Variants in EXPH5 observed in about 807,000 individuals in gnomAD.
EXPH5 encodes the protein exophilin-5.
In EXPH5, 42 loss-of-function variants were observed where a neutral mutation model predicts 41.1. The observed-to-expected ratio is 1.02, with a 90% CI of 0.80 to 1.32. The LOEUF (loss-of-function observed/expected upper bound fraction) is 1.32. EXPH5 is among the 40% of genes most tolerant of loss of function. The pLI is 0.00. For synonymous variants in EXPH5, 798 were observed against 833.5 expected (o/e 0.96, Z 0.73); for missense variants, 2,298 against 2,314.5 (o/e 0.99, Z 0.15).
chr11:108,572,616 T>A (rs1001275039), intron 1 of EXPH5, among the ~76,000 whole-genome samples: 1 of 152,242 alleles, frequency 6.6e-6, no homozygotes, highest in Non-Finnish European at 1.5e-5. Flanking sequence ...TGCAGTGCAA[T>A]GGCGTGATCT....
At chr11:108,556,277 GA>G (rs1319707585) in intron 1 of EXPH5, among the ~76,000 whole-genome samples, 1 of 151,932 alleles carries the variant, frequency 6.6e-6, no homozygotes, top group East Asian at 1.9e-4. Context: ...GATTAGTTGT[GA>G]ATCTGCTGTC....
the EXPH5 span, among the ~76,000 whole-genome samples, chr11:108,605,631 T>C: frequency 2.6e-5 from 4 of 152,210 alleles, no homozygotes; most frequent in Admixed American, 1.3e-4. Context: ...AGAAACTTTG[T>C]GTTAGAGCAA....
At position 108,569,433 on chromosome 11, in the gene EXPH5, A is replaced by C. The variant is rs187911327; in HGVS notation, c.119+23985T>G. Among the ~76,000 whole-genome samples the C allele has an allele frequency of 2.8e-3, 429 of 152,052 alleles. 3 individuals carry two copies. The highest frequency in any genetic ancestry group is 9.7e-3 in the African/African-American group (402 of 41,484). On this transcript the variant is annotated intron_variant, in intron 1 of 5. Coordinates refer to ENST00000265843, the MANE Select transcript of EXPH5 (RefSeq NM_015065.3). ...CAGCTCACTGCAACCTCCGCCTCCT[A>C]GGTTCAAGCGATTCTCCTGCTTCAG... is the stretch of plus-strand genomic sequence containing the variant.
chr11:108,582,337 C>T (rs1273087563), intron 1 of EXPH5, among the ~76,000 whole-genome samples: 1 of 152,006 alleles, frequency 6.6e-6, no homozygotes, highest in Non-Finnish European at 1.5e-5. Flanking sequence ...TGGTGGCACA[C>T]GCCTGTAGTC....
chr11:108,556,448 A>C (rs2093990429), intron 1 of EXPH5, among the ~76,000 whole-genome samples: 1 of 151,952 alleles, frequency 6.6e-6, no homozygotes, highest in Admixed American at 6.6e-5. Flanking sequence ...GCATCCCATC[A>C]ATTTTATTTT....
chr11:108,533,987 G>A (rs958263083), intron 3 of EXPH5, among the ~76,000 whole-genome samples: 1 of 152,072 alleles, frequency 6.6e-6, no homozygotes, highest in African/African-American at 2.4e-5. Context: ...TAGAGGTGCA[G>A]CCTGACTATG....
intron 4 of EXPH5, among the ~76,000 whole-genome samples, chr11:108,525,318 A>T (rs1027873740): frequency 6.6e-6 from 1 of 152,220 alleles, no homozygotes; most frequent in Non-Finnish European, 1.5e-5. Flanking sequence ...GAAGTGCCAC[A>T]TTGGAGGTGT....
In EXPH5 at chr11:108,514,587, T is replaced by G. The variant is rs1184922340; in HGVS notation, c.920A>C (p.Lys307Thr). ...AGTATTCTTTTGCACATAATCTTCT[T>G]TAAAGACTCTGGGCTCCCTTGTCCT... Reference protein sequence around the residue: ...MYRTREPRVFKEDYVQKNTFG... With the variant: ...MYRTREPRVFTEDYVQKNTFG... The change falls in exon 6 of 6, where the codon AAA becomes ACA. Residue 307 changes from lysine to threonine, a missense_variant. Lys to Thr is a moderately conservative substitution (Grantham distance 78). Coordinates refer to ENST00000265843, the MANE Select transcript of EXPH5 (RefSeq NM_015065.3). 1.2e-6 allele frequency: 2 copies of G among 1,613,926 alleles called. No individual in the cohort carries two copies. Among genetic ancestry groups the G allele is most frequent in the Non-Finnish European group, 1.7e-6 (2 of 1,179,976 alleles).
In EXPH5 at chr11:108,587,466, G is replaced by A. The variant is rs115328411; in HGVS notation, c.119+5952C>T. On this transcript the variant is annotated intron_variant, in intron 1 of 5. Coordinates refer to ENST00000265843, the MANE Select transcript of EXPH5 (RefSeq NM_015065.3). ...ATTTGACTAGGTATTGAGTACCGAA[G>A]TGTGTGAGGCTCTCCATCCCTGAAA... Among the ~76,000 whole-genome samples the A allele has an allele frequency of 2.5e-3, 376 of 152,322 alleles. 2 individuals are homozygous for A. The highest frequency in any genetic ancestry group is 8.6e-3 in the African/African-American group (357 of 41,564).
chr11:108,538,740 G>T (rs1388423857), intron 3 of EXPH5, among the ~76,000 whole-genome samples: 7 of 152,126 alleles, frequency 4.6e-5, no homozygotes, highest in Non-Finnish European at 1.0e-4. Context: ...TTGGAGCAGT[G>T]GAAAAACTGG....
intron 2 of EXPH5, among the ~76,000 whole-genome samples, chr11:108,541,036 C>G (rs1340683912): frequency 6.6e-6 from 1 of 152,098 alleles, no homozygotes; most frequent in African/African-American, 2.4e-5. Flanking sequence ...TCCAGAGTAG[C>G]TGGGGCTACA....
chr11:108,565,552 T>C (rs2094030961), intron 1 of EXPH5, among the ~76,000 whole-genome samples: 1 of 152,192 alleles, frequency 6.6e-6, no homozygotes, highest in Non-Finnish European at 1.5e-5. Flanking sequence ...ATTAGTGTCA[T>C]AGACACTCTC....
intron 1 of EXPH5, among the ~76,000 whole-genome samples, chr11:108,572,747 TG>T (rs1283081856): frequency 6.6e-6 from 1 of 151,832 alleles, no homozygotes; most frequent in East Asian, 1.9e-4. Context: ...TTAGTAGAGA[TG>T]GGGTTTCACC....
At chr11:108,559,947 A>G (rs10502102) in intron 1 of EXPH5, among the ~76,000 whole-genome samples, 2,567 of 152,326 alleles carry the variant, frequency 0.017, 65 homozygotes, top group South Asian at 0.061. Flanking sequence ...AAACCAACTC[A>G]AATCCAACAT....
In EXPH5 at chr11:108,510,963, T is replaced by C; in HGVS notation, c.4544A>G (p.His1515Arg). The change falls in exon 6 of 6, where the codon CAT (histidine) becomes CGT (arginine). Residue 1515 changes from histidine (H) to arginine (R), a missense_variant. Transcript: ENST00000265843. The part of the protein sequence containing the change: ...SQVFALTPAL[H>R]KLQLGEETQS... Reference sequence around the variant, plus strand: ...AGTCTCCTCACCAAGCTGTAGTTTATGCAATGCTGGAGTAAGGGCAAAGAC... The same window carrying C: ...AGTCTCCTCACCAAGCTGTAGTTTACGCAATGCTGGAGTAAGGGCAAAGAC... 6.2e-7 allele frequency: 1 copy of C among 1,614,168 alleles called. No homozygotes were observed. The highest frequency in any genetic ancestry group is 1.1e-5 in the South Asian group (1 of 91,056).
chr11:108,510,929 A>G lies in EXPH5; in HGVS notation c.4578T>C (p.Asp1526=), dbSNP rs1247928010. ...KLQLGEETQS[D]EPNLESLQSE... ...ACTGCAGACTCTCTAAGTTTGGTTC[A>G]TCTGACTGAGTCTCCTCACCAAGCT... The change falls in exon 6 of 6, where the codon GAT becomes GAC. Residue 1526 remains aspartate (D), a synonymous_variant. Coordinates refer to ENST00000265843, the MANE Select transcript of EXPH5 (RefSeq NM_015065.3). 1.2e-6 allele frequency: 2 copies of G among 1,614,030 alleles called. No individual in the cohort carries two copies. The highest frequency in any genetic ancestry group is 8.5e-7 in the Non-Finnish European group (1 of 1,180,002).
At chr11:108,554,134 G>A (rs989876737) in intron 1 of EXPH5, among the ~76,000 whole-genome samples, 2 of 150,420 alleles carry the variant, frequency 1.3e-5, no homozygotes, top group Non-Finnish European at 2.9e-5. Flanking sequence ...TGTGATCTCA[G>A]CTCACTGCAA....
intron 4 of EXPH5, among the ~76,000 whole-genome samples, chr11:108,521,495 A>T (rs763628264): frequency 6.6e-6 from 1 of 152,232 alleles, no homozygotes; most frequent in Non-Finnish European, 1.5e-5. Context: ...CTTATTGGTC[A>T]CTGAATATGA....
intron 1 of EXPH5, among the ~76,000 whole-genome samples, chr11:108,563,622 G>A (rs76732154): frequency 0.019 from 2,818 of 152,290 alleles, 90 homozygotes; most frequent in African/African-American, 0.063. Context: ...CCCAGAGAGA[G>A]TGATGCCACC....
Sources: allele counts gnomAD v4.1 joint callset (sites outside exome capture counted in the v4.1 genomes callset), GRCh38; gene constraint gnomAD v4.1.1; transcripts MANE v1.5; gene names NCBI Gene and HGNC (gene_info 2026-07-23, HGNC 2026-07-21).